PANX1: variants seen among roughly 807,000 people sequenced by gnomAD.
The protein encoded by PANX1 is pannexin 1, also known as pannexin-1.
Under a neutral mutation model 38.7 loss-of-function variants are expected in PANX1, and 30 were observed. The observed-to-expected ratio is 0.78, with a 90% CI of 0.58 to 1.05. The LOEUF (loss-of-function observed/expected upper bound fraction) is 1.05, where lower values mean the gene tolerates loss of function less well. Ranked by LOEUF, PANX1 falls within the 50% of genes least tolerant of loss-of-function variation. The pLI, the probability that PANX1 is intolerant of heterozygous loss-of-function variation, is 0.00. For synonymous variants in PANX1, 230 were observed against 212.2 expected (o/e 1.08, Z -0.73); for missense variants, 551 against 517.2 (o/e 1.07, Z -0.63).
At position 94,181,922 on chromosome 11, in the gene PANX1, C is replaced by T. The variant is rs146290949; in HGVS notation, c.*1053C>T. The T allele has an allele frequency of 1.3e-5, 2 of 152,258 alleles. No homozygotes were observed. The highest frequency in any genetic ancestry group is 2.9e-5 in the Non-Finnish European group (2 of 68,026). 9.4% of individuals were successfully genotyped at this position (152,258 alleles called of 1,614,324 possible). On this transcript the variant is annotated 3_prime_UTR_variant, in exon 5 of 5. Transcript: ENST00000227638. ...AGGCCATTTGGGAAGAAAATTCTAGCACTGGTGGAGAATTATAGAATAAAG... is the reference window on the plus strand; with the variant it reads ...AGGCCATTTGGGAAGAAAATTCTAGTACTGGTGGAGAATTATAGAATAAAG...
chr11:94,135,829 CTTATT>C (rs1014187895), intron 1 of PANX1, among the ~76,000 whole-genome samples: 6 of 152,112 alleles, frequency 3.9e-5, no homozygotes, highest in African/African-American at 7.2e-5. Context: ...ACGTGTACAC[CTTATT>C]TTATTTTTTA....
intron 2 of PANX1, among the ~76,000 whole-genome samples, chr11:94,171,157 A>G (rs1224423463): frequency 1.3e-5 from 2 of 151,482 alleles, no homozygotes; most frequent in Non-Finnish European, 2.9e-5. Flanking sequence ...TGGATGGCAC[A>G]TCTAGCCTCA....
At chr11:94,157,453 A>G (rs919749892) in intron 2 of PANX1, among the ~76,000 whole-genome samples, 2 of 152,024 alleles carry the variant, frequency 1.3e-5, no homozygotes, top group African/African-American at 4.8e-5. Context: ...ATGGTATCTC[A>G]TTGTGGTTTT....
chr11:94,178,248 G>A (rs1947257569), intron 2 of PANX1, 121 bp from the exon 3 acceptor site: 2 of 730,256 alleles, frequency 2.7e-6, no homozygotes, highest in Admixed American at 2.3e-5. Context: ...ATTAGGTAAT[G>A]AGCCCAATTT....
chr11:94,178,509 T>G lies in PANX1; in HGVS notation c.462T>G (p.Ile154Met). 6.2e-7 allele frequency: 1 copy of G among 1,614,066 alleles called. No individual in the cohort carries two copies. The highest frequency in any genetic ancestry group is 1.3e-5 in the African/African-American group (1 of 75,008). The change falls in exon 3 of 5, where the codon ATT becomes ATG. Residue 154 changes from isoleucine (I) to methionine (M), a missense_variant. Coordinates refer to ENST00000227638, the MANE Select transcript of PANX1 (RefSeq NM_015368.4). The stretch of plus-strand genomic sequence containing the variant: ...TTGACAAAGTTTACAACCGTGCAAT[T>G]AAGGCTGCAAAGAGTGCGCGTGACC... Reference protein sequence around the residue: ...EELDKVYNRAIKAAKSARDLD... With the variant: ...EELDKVYNRAMKAAKSARDLD...
intron 1 of PANX1, among the ~76,000 whole-genome samples, chr11:94,133,092 C>A (rs755327733): frequency 2.0e-5 from 3 of 152,230 alleles, no homozygotes; most frequent in Non-Finnish European, 2.9e-5. Flanking sequence ...CACAGAGACC[C>A]ATGGGCATAG....
chr11:94,133,873 G>C (rs4753542), intron 1 of PANX1, among the ~76,000 whole-genome samples: 64,855 of 151,942 alleles, frequency 0.43, 14,861 homozygotes, highest in Admixed American at 0.57. Flanking sequence ...GCACACTAGG[G>C]AACTCTCCCA....
intron 1 of PANX1, among the ~76,000 whole-genome samples, chr11:94,132,782 A>C (rs1401345388): frequency 9.9e-5 from 15 of 152,258 alleles, no homozygotes; most frequent in African/African-American, 2.9e-4. Flanking sequence ...TTTTCTGTCA[A>C]CTGTTGTTTG....
rs562662633 is a variant in PANX1 at position 94,136,114 on chromosome 11, G to T, written c.181+6621G>T. Among the ~76,000 whole-genome samples the T allele has an allele frequency of 7.2e-5, 11 of 151,976 alleles. 1 individual carries two copies. Among genetic ancestry groups the T allele is most frequent in the Admixed American group, 7.2e-4 (11 of 15,274 alleles). The stretch of plus-strand genomic sequence containing the variant: ...GCATTAAAAGGAAAGGAGACTAGTC[G>T]CAGCAGTATCAGTTTCCAGAAGGAT... On this transcript the variant is annotated intron_variant, in intron 1 of 4. Transcript: ENST00000227638.
intron 2 of PANX1, among the ~76,000 whole-genome samples, chr11:94,176,661 T>C (rs900814334): frequency 6.6e-6 from 1 of 151,660 alleles, no homozygotes; most frequent in Admixed American, 6.6e-5. Context: ...GAGGGTTTCA[T>C]GTCAACTTAC....
At chr11:94,132,255 A>C (rs1433987133) in intron 1 of PANX1, among the ~76,000 whole-genome samples, 2 of 152,328 alleles carry the variant, frequency 1.3e-5, no homozygotes, top group Non-Finnish European at 2.9e-5. Flanking sequence ...CTCTGGAAGC[A>C]CGGTCTAGTA....
chr11:94,152,409 A>G (rs943444598), intron 1 of PANX1, among the ~76,000 whole-genome samples: 1 of 152,192 alleles, frequency 6.6e-6, no homozygotes, highest in Non-Finnish European at 1.5e-5. Flanking sequence ...CCCTGCTGAG[A>G]GTGGCAGAGT....
At chr11:94,176,707 A>G (rs762017144) in intron 2 of PANX1, among the ~76,000 whole-genome samples, 5 of 151,672 alleles carry the variant, frequency 3.3e-5, no homozygotes, top group African/African-American at 4.9e-5. Context: ...ACTCTGAGAA[A>G]TGGTGGAGAT....
chr11:94,175,228 A>G (rs553242437), intron 2 of PANX1, among the ~76,000 whole-genome samples: 1 of 151,830 alleles, frequency 6.6e-6, no homozygotes, highest in Admixed American at 6.5e-5. Flanking sequence ...CTACATTTTT[A>G]TAGAATCACT....
chr11:94,179,881 G>T lies in PANX1; in HGVS notation c.825G>T (p.Leu275Phe). The T allele has an allele frequency of 6.2e-7, 1 of 1,614,086 alleles. No homozygotes were observed. The highest frequency in any genetic ancestry group is 8.5e-7 in the Non-Finnish European group (1 of 1,180,018). ...TCATTGCCGTGGGCATCTTCCAGTT[G>T]CTCAGTGTCATTAACCTTGTGGTTT... ...CKLIAVGIFQ[L>F]LSVINLVVYV... The change falls in exon 4 of 5, where the codon TTG becomes TTT. Residue 275 changes from leucine (L) to phenylalanine (F), a missense_variant. Transcript: ENST00000227638.
chr11:94,135,755 A>G (rs1480489046), intron 1 of PANX1, among the ~76,000 whole-genome samples: 2 of 152,234 alleles, frequency 1.3e-5, no homozygotes, highest in Non-Finnish European at 2.9e-5. Flanking sequence ...CTCTTTCACT[A>G]TGTGCTGAAG....
chr11:94,158,782 T>A (rs1345827783), intron 2 of PANX1, among the ~76,000 whole-genome samples: 2 of 152,206 alleles, frequency 1.3e-5, no homozygotes, highest in Non-Finnish European at 2.9e-5. Flanking sequence ...CTTCCAACAC[T>A]ATGTTGAATA....
chr11:94,172,931 A>C (rs963324224), intron 2 of PANX1, among the ~76,000 whole-genome samples: 1 of 151,616 alleles, frequency 6.6e-6, no homozygotes. Context: ...CTCCAGCTGC[A>C]CTCCAGAATG....
Position 94,128,971 on chromosome 11 carries a change from G to C in PANX1, c.-342G>C, listed in dbSNP as rs1450000773. 1 of 187,546 alleles carries C rather than the reference G, an allele frequency of 5.3e-6. No individual in the cohort carries two copies. The highest frequency in any genetic ancestry group is 1.1e-5 in the Non-Finnish European group (1 of 92,160). 11.6% of individuals were successfully genotyped at this position (187,546 alleles called of 1,614,324 possible). A position where few individuals can be genotyped will look rare whatever the true frequency, so the allele number is the denominator to read the frequency against. ...GGGCCAGAGGGAAGCGCTTTGTTCCGCGCGTGGTTCCCGCGCCTGGGGGTG... is the reference window on the plus strand; with the variant it reads ...GGGCCAGAGGGAAGCGCTTTGTTCCCCGCGTGGTTCCCGCGCCTGGGGGTG... On this transcript the variant is annotated 5_prime_UTR_variant, in exon 1 of 5. Transcript: ENST00000227638.
Sources: allele counts gnomAD v4.1 joint callset (sites outside exome capture counted in the v4.1 genomes callset), GRCh38; gene constraint gnomAD v4.1.1; transcripts MANE v1.5; gene names NCBI Gene and HGNC (gene_info 2026-07-23, HGNC 2026-07-21).